DAB2IP: variants seen among roughly 807,000 people sequenced by gnomAD.
The protein encoded by DAB2IP is disabled homolog 2-interacting protein.
A neutral mutation model predicts 107.2 loss-of-function variants in DAB2IP; 28 were observed. The observed-to-expected ratio is 0.26, with a 90% confidence interval of 0.19 to 0.36. DAB2IP has a LOEUF of 0.36. DAB2IP is among the 10% of genes least tolerant of loss of function. The pLI is 1.00. For missense variants in DAB2IP, 1,400 were observed against 1,644.7 expected (o/e 0.85, Z 2.57); for synonymous variants, 755 against 706.4 (o/e 1.07, Z -1.09).
chr9:121,708,324 A>C (rs1272452746), intron 3 of DAB2IP, among the ~76,000 whole-genome samples: 1 of 152,218 alleles, frequency 6.6e-6, no homozygotes, highest in Non-Finnish European at 1.5e-5. Context: ...GGTTGATGTC[A>C]AGATCCCACC....
At chr9:121,570,310 C>T (rs780114274) in intron 1 of DAB2IP, among the ~76,000 whole-genome samples, 8 of 148,424 alleles carry the variant, frequency 5.4e-5, no homozygotes, top group Admixed American at 4.0e-4. Context: ...GACAGGTTTT[C>T]GCCATGTTGC....
At chr9:121,650,336 C>T (rs538566952), upstream of DAB2IP, among the ~76,000 whole-genome samples, 205 of 152,310 alleles carry the variant, frequency 1.3e-3, 2 homozygotes, top group African/African-American at 4.6e-3. Context: ...GAGACAGGCT[C>T]CGCAGGACTA....
intron 1 of DAB2IP, among the ~76,000 whole-genome samples, chr9:121,582,120 G>A (rs139406483): frequency 9.2e-5 from 14 of 152,302 alleles, no homozygotes; most frequent in African/African-American, 1.7e-4. Flanking sequence ...GTCAGAGCCC[G>A]GATTCAGATA....
upstream of DAB2IP, among the ~76,000 whole-genome samples, chr9:121,651,427 G>C (rs1003636059): frequency 1.3e-5 from 2 of 152,162 alleles, no homozygotes; most frequent in Non-Finnish European, 2.9e-5. The surrounding 1 kb of genome is among the most constrained non-coding windows in gnomAD (Gnocchi z 5.1). Context: ...CCTCGGGGGC[G>C]GGGGTGGGAG....
chr9:121,645,726 TC>T (rs965280003), intron 1 of DAB2IP, among the ~76,000 whole-genome samples: 2 of 152,118 alleles, frequency 1.3e-5, no homozygotes, highest in Non-Finnish European at 2.9e-5. Flanking sequence ...GGCCTCAGCT[TC>T]CCCCGTTCAT....
chr9:121,677,373 T>A (rs1274900244), intron 1 of DAB2IP, among the ~76,000 whole-genome samples: 1 of 151,966 alleles, frequency 6.6e-6, no homozygotes, highest in African/African-American at 2.4e-5. Context: ...TTTAAAAAAA[T>A]TAGATAGGTG....
chr9:121,779,472 A>G (rs1462153456), intron 14 of DAB2IP, among the ~76,000 whole-genome samples: 2 of 152,172 alleles, frequency 1.3e-5, no homozygotes, highest in East Asian at 1.9e-4. Context: ...GAGGTGCTGA[A>G]TGTTTTTGTG....
At chr9:121,746,171 AGAAGTGCTGGCAG>A (rs1425379851) in intron 3 of DAB2IP, among the ~76,000 whole-genome samples, 1 of 152,024 alleles carries the variant, frequency 6.6e-6, no homozygotes, top group Non-Finnish European at 1.5e-5. Context: ...GAGCATCCAG[AGAAGTGCTGGCAG>A]GAAGGGCGTG....
chr9:121,659,343 G>A (rs1022654119), intron 1 of DAB2IP, among the ~76,000 whole-genome samples: 2 of 152,182 alleles, frequency 1.3e-5, no homozygotes, highest in African/African-American at 4.8e-5. Flanking sequence ...GCCTAGGAGC[G>A]TGTACAGAGT....
intron 1 of DAB2IP, among the ~76,000 whole-genome samples, chr9:121,645,532 T>G (rs1832505603): frequency 6.6e-6 from 1 of 152,160 alleles, no homozygotes; most frequent in African/African-American, 2.4e-5. Context: ...CCATGTGACC[T>G]TGGGTGAGTC....
intron 14 of DAB2IP, among the ~76,000 whole-genome samples, chr9:121,778,513 C>T (rs2119030862): frequency 6.6e-6 from 1 of 152,250 alleles, no homozygotes; most frequent in Middle Eastern, 3.4e-3. Flanking sequence ...TGCCTTGTTT[C>T]CTATTTGTAC....
Position 121,748,705 on chromosome 9 carries a change from G to C in DAB2IP, c.363-8308G>C, listed in dbSNP as rs1309505773. ...GCTTAGTAAGTGGCTGTTAGGTCCA[G>C]GCTGCCACAGTGTCATTCATTTAGT... On this transcript the variant is annotated intron_variant, in intron 3 of 15. Coordinates refer to ENST00000408936, the Ensembl canonical transcript of DAB2IP. Among the ~76,000 whole-genome samples the C allele has an allele frequency of 2.6e-5, 4 of 152,204 alleles. No individual in the cohort carries two copies. The East Asian group carries it at 7.7e-4, about 29-fold the overall frequency.
At chr9:121,640,345 A>C (rs1296959315) in intron 1 of DAB2IP, among the ~76,000 whole-genome samples, 1 of 149,946 alleles carries the variant, frequency 6.7e-6, no homozygotes, top group Non-Finnish European at 1.5e-5. Context: ...CTGTGTGTGC[A>C]TGGGAGCCTG....
At chr9:121,594,658 T>C (rs1486952699) in intron 1 of DAB2IP, among the ~76,000 whole-genome samples, 1 of 152,166 alleles carries the variant, frequency 6.6e-6, no homozygotes, top group Non-Finnish European at 1.5e-5. Flanking sequence ...AGTTTTTGGG[T>C]CACTCAGTCC....
chr9:121,623,112 C>T (rs1405143114), intron 1 of DAB2IP, among the ~76,000 whole-genome samples: 6 of 152,124 alleles, frequency 3.9e-5, no homozygotes, highest in Non-Finnish European at 8.8e-5. Flanking sequence ...TCTTTCTCAC[C>T]TCAGTTTTGC....
chr9:121,783,716 G>A (rs1371776177), exon 16 of DAB2IP: 41 of 916,094 alleles, frequency 4.5e-5, no homozygotes, highest in Non-Finnish European at 6.4e-5. Flanking sequence ...CACCCTTCCC[G>A]GCCCCCGGCC....
At chr9:121,647,031 T>C (rs1832562866), upstream of DAB2IP, among the ~76,000 whole-genome samples, 1 of 152,190 alleles carries the variant, frequency 6.6e-6, no homozygotes, top group South Asian at 2.1e-4. Flanking sequence ...GGACAGTGCA[T>C]GCTAGATGCA....
intron 1 of DAB2IP, among the ~76,000 whole-genome samples, chr9:121,569,186 G>A (rs641039): frequency 0.29 from 43,693 of 152,156 alleles, 6,726 homozygotes; most frequent in African/African-American, 0.34. Flanking sequence ...GGGCAGCACA[G>A]GAAAACTGCG....
intron 12 of DAB2IP, 43 bp from the exon 13 acceptor site, chr9:121,774,217 C>A: frequency 2.0e-6 from 3 of 1,523,646 alleles, no homozygotes; most frequent in Non-Finnish European, 8.8e-7. Flanking sequence ...TCCTGCTTGC[C>A]CTCCACCTCC....
Sources: allele counts gnomAD v4.1 joint callset (sites outside exome capture counted in the v4.1 genomes callset), GRCh38; gene constraint gnomAD v4.1.1; non-coding constraint Gnocchi (gnomAD v3.1); transcripts MANE v1.5; gene names NCBI Gene and HGNC (gene_info 2026-07-23, HGNC 2026-07-21).